The following INPP4B variants were observed in gnomAD, a reference collection of about 807,000 sequenced individuals.
INPP4B encodes inositol polyphosphate-4-phosphatase type II B.
In INPP4B, 55 loss-of-function variants were observed where a neutral mutation model predicts 122.5. The ratio of observed to expected loss-of-function variants is 0.45; its 90% CI spans 0.36 to 0.56. The LOEUF (loss-of-function observed/expected upper bound fraction) is 0.56, where lower values mean the gene tolerates loss of function less well. Among genes scored for constraint, INPP4B ranks in the 20% least tolerant of loss-of-function variants. INPP4B has a pLI of 0.00. For synonymous variants in INPP4B, 403 were observed against 388.7 expected, an observed-to-expected ratio of 1.04 and a Z score of -0.43; for missense variants, 1,000 against 1,097.7, an observed-to-expected ratio of 0.91 and a Z score of 1.26.
intron 2 of INPP4B, among the ~76,000 whole-genome samples, chr4:142,625,696 C>T (rs1192760754): frequency 6.6e-6 from 1 of 152,106 alleles, no homozygotes; most frequent in Non-Finnish European, 1.5e-5. Flanking sequence ...GCCAAAAGAA[C>T]AAAGCTGGAG....
chr4:142,769,259 T>C (rs1235192102), intron 1 of INPP4B, among the ~76,000 whole-genome samples: 1 of 152,142 alleles, frequency 6.6e-6, no homozygotes, highest in Non-Finnish European at 1.5e-5. Flanking sequence ...AGGGTCTACC[T>C]AGTGCATGCT....
chr4:142,597,914 A>G (rs749802950), intron 2 of INPP4B, among the ~76,000 whole-genome samples: 3 of 152,362 alleles, frequency 2.0e-5, no homozygotes, highest in African/African-American at 4.8e-5. Context: ...CTATTCTAGT[A>G]TAAAAAACAA....
intron 1 of INPP4B, among the ~76,000 whole-genome samples, chr4:142,810,328 T>C (rs1779353928): frequency 6.6e-6 from 1 of 152,144 alleles, no homozygotes; most frequent in Admixed American, 6.6e-5. Context: ...TCAGTGAGGC[T>C]GCCACTTATT....
At chr4:142,174,794 T>TA (rs879495500) in intron 15 of INPP4B, among the ~76,000 whole-genome samples, 1 of 152,056 alleles carries the variant, frequency 6.6e-6, no homozygotes, top group African/African-American at 2.4e-5. Context: ...CTGATTAAAT[T>TA]AAAAAAAAAT....
At chr4:142,838,089 G>T (rs530465511) in intron 1 of INPP4B, among the ~76,000 whole-genome samples, 1 of 151,264 alleles carries the variant, frequency 6.6e-6, no homozygotes, top group Admixed American at 6.6e-5. Flanking sequence ...TATCACAGTA[G>T]CTGGCAAATA....
intron 2 of INPP4B, chr4:142,468,089 C>T (rs1038496086): frequency 2.0e-5 from 3 of 152,140 alleles, no homozygotes; most frequent in Admixed American, 1.3e-4. Context: ...ACCTCTTTTG[C>T]TTATAAATTA....
intron 12 of INPP4B, 54 bp from the exon 13 acceptor site, chr4:142,209,080 G>C: frequency 7.4e-7 from 1 of 1,345,238 alleles, no homozygotes; most frequent in Non-Finnish European, 1.0e-6. Context: ...ATCCATAAAC[G>C]CATAACCCTT....
intron 9 of INPP4B, among the ~76,000 whole-genome samples, chr4:142,274,056 T>G (rs1907113): frequency 6.6e-6 from 1 of 151,550 alleles, no homozygotes; most frequent in Non-Finnish European, 1.5e-5. Flanking sequence ...TTCAAAGATG[T>G]CTTAAAGATT....
chr4:142,804,824 G>A (rs1048833573), intron 1 of INPP4B, among the ~76,000 whole-genome samples: 4 of 152,164 alleles, frequency 2.6e-5, no homozygotes, highest in African/African-American at 7.2e-5. Flanking sequence ...GTGCCACCAC[G>A]TCCAGCTAAT....
intron 1 of INPP4B, among the ~76,000 whole-genome samples, chr4:142,803,540 T>C (rs1038232414): frequency 6.6e-6 from 1 of 151,792 alleles, no homozygotes; most frequent in African/African-American, 2.4e-5. Flanking sequence ...TATTTTAATT[T>C]TACTACAGAG....
chr4:142,059,524 T>C (rs973024286), intron 25 of INPP4B, among the ~76,000 whole-genome samples: 1 of 152,162 alleles, frequency 6.6e-6, no homozygotes, highest in African/African-American at 2.4e-5. Flanking sequence ...CATATATGCA[T>C]CTTCAATGCA....
chr4:142,823,131 A>T (rs959291480), intron 1 of INPP4B, among the ~76,000 whole-genome samples: 1 of 152,174 alleles, frequency 6.6e-6, no homozygotes, highest in Non-Finnish European at 1.5e-5. Context: ...GGTCAGAACT[A>T]GTCACTTGGC....
At chr4:142,033,507 C>T (rs1446611146) in intron 25 of INPP4B, among the ~76,000 whole-genome samples, 1 of 152,140 alleles carries the variant, frequency 6.6e-6, no homozygotes, top group African/African-American at 2.4e-5. Context: ...GTCTCCTTCA[C>T]TGATCATTAG....
At chr4:142,674,975 A>G (rs993871254) in intron 2 of INPP4B, among the ~76,000 whole-genome samples, 1 of 152,194 alleles carries the variant, frequency 6.6e-6, no homozygotes, top group Non-Finnish European at 1.5e-5. Flanking sequence ...AACAAATTCA[A>G]AAGCTAGTGG....
chr4:142,391,158 A>C (rs1797534420), intron 7 of INPP4B, among the ~76,000 whole-genome samples: 1 of 152,236 alleles, frequency 6.6e-6, no homozygotes, highest in African/African-American at 2.4e-5. Flanking sequence ...AATTTGAATA[A>C]ATTCCATGGT....
chr4:142,803,113 C>T (rs933346779), intron 1 of INPP4B, among the ~76,000 whole-genome samples: 5 of 146,498 alleles, frequency 3.4e-5, no homozygotes, highest in Admixed American at 2.1e-4. Flanking sequence ...CGGAGGTTGC[C>T]GTAAGCCGAA....
intron 2 of INPP4B, among the ~76,000 whole-genome samples, chr4:142,578,949 G>GGGAATCTGTTTAGTTACT (rs1435276694): frequency 6.6e-6 from 1 of 151,838 alleles, no homozygotes; most frequent in Non-Finnish European, 1.5e-5. Flanking sequence ...CTGTTACTGT[G>GGGAATCTGTTTAGTTACT]GTCTCTTGTA....
At chr4:142,780,259 A>G (rs1349090269) in intron 1 of INPP4B, among the ~76,000 whole-genome samples, 1 of 152,174 alleles carries the variant, frequency 6.6e-6, no homozygotes, top group East Asian at 1.9e-4. Context: ...AGACTTTCTC[A>G]TCTGTGACCT....
intron 2 of INPP4B, among the ~76,000 whole-genome samples, chr4:142,623,857 T>C (rs1316885002): frequency 6.6e-6 from 1 of 152,012 alleles, no homozygotes; most frequent in Non-Finnish European, 1.5e-5. Flanking sequence ...CTGAGAATGA[T>C]GATTTCCAGT....
Sources: gnomAD v4.1 joint callset for allele counts (sites outside exome capture counted in the v4.1 genomes callset) on GRCh38, gnomAD v4.1.1 for gene constraint, MANE v1.5 for transcripts, NCBI Gene and HGNC (gene_info 2026-07-23, HGNC 2026-07-21) for gene names.